DLG2: variants seen among roughly 807,000 people sequenced by gnomAD.
The protein encoded by DLG2 is discs large MAGUK scaffold protein 2, also known as disks large homolog 2.
In DLG2, 45 loss-of-function variants were observed where a neutral mutation model predicts 132.5. That is an observed-to-expected ratio of 0.34 (90% CI 0.27 to 0.44). DLG2 has a LOEUF of 0.44. Among genes scored for constraint, DLG2 ranks in the 20% least tolerant of loss-of-function variants. The probability of loss-of-function intolerance (pLI) is 1.00; values close to 1 mark genes in which losing one functional copy is unlikely to be tolerated. For synonymous variants in DLG2, 424 were observed against 419.6 expected, an observed-to-expected ratio of 1.01 and a Z score of -0.13; for missense variants, 1,045 against 1,196.9, an observed-to-expected ratio of 0.87 and a Z score of 1.87.
At chr11:84,315,080 A>G (rs1292940098) in intron 7 of DLG2, among the ~76,000 whole-genome samples, 1 of 152,168 alleles carries the variant, frequency 6.6e-6, no homozygotes, top group Non-Finnish European at 1.5e-5. Context: ...GCTTATGCAA[A>G]AGAATAAGGA....
At chr11:83,978,370 G>A (rs1035258002) in intron 12 of DLG2, among the ~76,000 whole-genome samples, 1 of 151,994 alleles carries the variant, frequency 6.6e-6, no homozygotes, top group African/African-American at 2.4e-5. Context: ...ACTTGAGAAC[G>A]AAACGGTCTT....
chr11:84,350,039 G>A (rs1475159630), intron 7 of DLG2, among the ~76,000 whole-genome samples: 3 of 151,894 alleles, frequency 2.0e-5, no homozygotes, highest in Admixed American at 1.3e-4. Context: ...TTAGCGGGGC[G>A]TGGTGGTGGG....
intron 10 of DLG2, among the ~76,000 whole-genome samples, chr11:84,071,087 T>C (rs2096749693): frequency 1.3e-5 from 2 of 152,144 alleles, no homozygotes; most frequent in Non-Finnish European, 2.9e-5. Context: ...GTTAATTAAT[T>C]ACTTTGTATT....
intron 15 of DLG2, among the ~76,000 whole-genome samples, chr11:83,909,423 C>T (rs1162808951): frequency 6.6e-6 from 1 of 152,160 alleles, no homozygotes; most frequent in Non-Finnish European, 1.5e-5. Flanking sequence ...AACTGAGTAT[C>T]ATTCCATGCT....
At chr11:85,427,147 C>CT (rs1369160425) in intron 3 of DLG2, among the ~76,000 whole-genome samples, 5 of 152,202 alleles carry the variant, frequency 3.3e-5, no homozygotes, top group South Asian at 2.1e-4. Context: ...AAATCTACAT[C>CT]GATTGGTGTA....
intron 3 of DLG2, among the ~76,000 whole-genome samples, chr11:85,499,171 T>C (rs1248422386): frequency 6.6e-6 from 1 of 151,872 alleles, no homozygotes; most frequent in Non-Finnish European, 1.5e-5. Flanking sequence ...GCTGGTTTTT[T>C]TAAAAGATAA....
chr11:84,952,592 TA>T lies in DLG2; in HGVS notation c.357+159068del, dbSNP rs377700153. The stretch of plus-strand genomic sequence containing the variant: ...AGAGTGAGGTGCTGCAGTTTAATAT[TA>T]AAAAAAAAAAAAAGACTGGACACAT... On this transcript the variant is annotated intron_variant, in intron 6 of 27. Transcript: ENST00000376104. 8.2e-3 allele frequency among the ~76,000 whole-genome samples: 1,163 copies of T among 141,290 alleles called. 20 individuals carry two copies. The highest frequency in any genetic ancestry group is 0.029 in the Admixed American group (413 of 14,256). 92.7% of individuals were successfully genotyped at this position (141,290 alleles called of 152,430 possible). A position where few individuals can be genotyped will look rare whatever the true frequency, so the allele number is the denominator to read the frequency against.
chr11:84,247,589 GACC>G, intron 8 of DLG2, among the ~76,000 whole-genome samples: 1 of 152,190 alleles, frequency 6.6e-6, no homozygotes, highest in African/African-American at 2.4e-5. Context: ...AATATATCAT[GACC>G]TCATATAAGA....
At chr11:84,462,530 G>A (rs534616284) in intron 7 of DLG2, among the ~76,000 whole-genome samples, 153 of 151,094 alleles carry the variant, frequency 1.0e-3, no homozygotes, top group Non-Finnish European at 1.9e-3. Context: ...ACTAAGAAAT[G>A]AACCTATGTT....
At chr11:84,178,826 T>G (rs981263901) in intron 8 of DLG2, among the ~76,000 whole-genome samples, 1 of 152,102 alleles carries the variant, frequency 6.6e-6, no homozygotes, top group African/African-American at 2.4e-5. Flanking sequence ...AGCATGTGAC[T>G]AAATGTTAGT....
At chr11:84,863,277 T>G (rs1566190217) in intron 6 of DLG2, among the ~76,000 whole-genome samples, 1 of 152,204 alleles carries the variant, frequency 6.6e-6, no homozygotes, top group East Asian at 1.9e-4. Context: ...CTCTTGCCAT[T>G]TAGATCTTTA....
chr11:84,451,471 A>G (rs1164642545), intron 7 of DLG2, among the ~76,000 whole-genome samples: 1 of 151,956 alleles, frequency 6.6e-6, no homozygotes, highest in East Asian at 1.9e-4. Flanking sequence ...GGGGACATCC[A>G]CATTCATGTA....
chr11:85,339,899 C>T, intron 3 of DLG2, among the ~76,000 whole-genome samples: 1 of 152,200 alleles, frequency 6.6e-6, no homozygotes, highest in East Asian at 1.9e-4. Flanking sequence ...TGCTCATCAT[C>T]ACTGGTCATC....
chr11:84,922,175 T>TA (rs111271156), intron 6 of DLG2, among the ~76,000 whole-genome samples: 1,440 of 141,022 alleles, frequency 0.01, 6 homozygotes, highest in Non-Finnish European at 0.012. Flanking sequence ...ATATTGACTT[T>TA]AAAAAAAAAA....
At chr11:85,178,747 A>C (rs2079495921) in intron 4 of DLG2, among the ~76,000 whole-genome samples, 1 of 151,986 alleles carries the variant, frequency 6.6e-6, no homozygotes, top group South Asian at 2.1e-4. Flanking sequence ...AATAGATATT[A>C]TAAACCATAG....
In DLG2 at chr11:84,979,529, C is replaced by T. The variant is rs190194501; in HGVS notation, c.357+132132G>A. ...GTAGGGACATGGATAAAGCTGGAAA[C>T]CATCATTCTCAGCAAACTATCGCAA... On this transcript the variant is annotated intron_variant, in intron 6 of 27. Transcript: ENST00000376104. Among the ~76,000 whole-genome samples, 923 of 152,110 alleles carry T rather than the reference C, an allele frequency of 6.1e-3. 5 individuals carry two copies. The highest frequency in any genetic ancestry group is 0.014 in the Admixed American group (207 of 15,280).
chr11:85,193,647 T>C (rs1566990046), intron 4 of DLG2, among the ~76,000 whole-genome samples: 3 of 152,244 alleles, frequency 2.0e-5, no homozygotes, highest in African/African-American at 4.8e-5. Flanking sequence ...ATCATCTTTT[T>C]GTGTGTTTTA....
At chr11:84,720,030 G>A (rs1482734422) in intron 6 of DLG2, among the ~76,000 whole-genome samples, 1 of 152,016 alleles carries the variant, frequency 6.6e-6, no homozygotes. Flanking sequence ...CACCCAAGGT[G>A]CCCCATTTCC....
At chr11:84,086,390 T>G (rs1431954106) in intron 10 of DLG2, among the ~76,000 whole-genome samples, 1 of 152,144 alleles carries the variant, frequency 6.6e-6, no homozygotes, top group Non-Finnish European at 1.5e-5. Context: ...CCTTTTAAAG[T>G]GCATAATTCA....
Sources: allele counts gnomAD v4.1 joint callset (sites outside exome capture counted in the v4.1 genomes callset), GRCh38; gene constraint gnomAD v4.1.1; transcripts MANE v1.5; gene names NCBI Gene and HGNC (gene_info 2026-07-23, HGNC 2026-07-21).